AGBL4: variants seen among roughly 807,000 people sequenced by gnomAD.
AGBL4 encodes the protein cytosolic carboxypeptidase 6.
Under a neutral mutation model 66.4 loss-of-function variants are expected in AGBL4, and 58 were observed. The ratio of observed to expected loss-of-function variants is 0.87; its 90% CI spans 0.71 to 1.09. The LOEUF is 1.09. AGBL4 is among the 50% of genes least tolerant of loss of function. AGBL4 has a pLI of 0.00. For synonymous variants in AGBL4, 234 were observed against 222.9 expected, an observed-to-expected ratio of 1.05 and a Z score of -0.44; for missense variants, 579 against 631.0, an observed-to-expected ratio of 0.92 and a Z score of 0.88.
chr1:49,577,135 A>AT (rs1644453308), intron 3 of AGBL4, among the ~76,000 whole-genome samples: 1 of 152,230 alleles, frequency 6.6e-6, no homozygotes, highest in Admixed American at 6.5e-5. Flanking sequence ...GTGGATGGAC[A>AT]TTTCTACATG....
intron 4 of AGBL4, among the ~76,000 whole-genome samples, chr1:49,123,994 T>C (rs572153131): frequency 2.0e-5 from 3 of 152,298 alleles, no homozygotes; most frequent in Non-Finnish European, 4.4e-5. Context: ...GATGTACTGA[T>C]AGAAGATAGA....
intron 4 of AGBL4, among the ~76,000 whole-genome samples, chr1:49,203,610 G>T (rs562877738): frequency 6.6e-6 from 1 of 152,104 alleles, no homozygotes; most frequent in South Asian, 2.1e-4. Flanking sequence ...GGGGCTGAAG[G>T]GAGGGGAAAT....
At chr1:49,202,603 A>G (rs1647797211) in intron 4 of AGBL4, among the ~76,000 whole-genome samples, 1 of 152,154 alleles carries the variant, frequency 6.6e-6, no homozygotes, top group African/African-American at 2.4e-5. Flanking sequence ...TCTTAAAACA[A>G]AAAGAAACTC....
At chr1:49,603,504 G>A (rs1167464989) in intron 3 of AGBL4, among the ~76,000 whole-genome samples, 2 of 150,582 alleles carry the variant, frequency 1.3e-5, no homozygotes, top group Non-Finnish European at 1.5e-5. Flanking sequence ...CAGCCTGGGC[G>A]ACAGAGCGAG....
intron 1 of AGBL4, among the ~76,000 whole-genome samples, chr1:49,880,316 T>C (rs1647184329): frequency 6.6e-6 from 1 of 151,926 alleles, no homozygotes; most frequent in Non-Finnish European, 1.5e-5. Flanking sequence ...TCTTTGATGA[T>C]GGTGATGTAC....
chr1:48,590,180 G>A (rs903295173), intron 10 of AGBL4, among the ~76,000 whole-genome samples: 10 of 152,214 alleles, frequency 6.6e-5, no homozygotes, highest in African/African-American at 1.4e-4. Context: ...CGAGGCGGGC[G>A]GATCACCTGA....
intron 5 of AGBL4, among the ~76,000 whole-genome samples, chr1:49,010,610 CACT>C (rs1310109984): frequency 7.3e-6 from 1 of 136,212 alleles, no homozygotes; most frequent in Non-Finnish European, 1.6e-5. Context: ...GGAGGCATCA[CACT>C]ACCTGACTTC....
chr1:49,293,042 A>G (rs946859701), intron 3 of AGBL4, among the ~76,000 whole-genome samples: 2 of 152,212 alleles, frequency 1.3e-5, no homozygotes, highest in African/African-American at 4.8e-5. Flanking sequence ...GAGCTCCCTG[A>G]GCCACGGCTG....
intron 4 of AGBL4, among the ~76,000 whole-genome samples, chr1:49,124,272 G>A (rs959614223): frequency 2.6e-5 from 4 of 152,118 alleles, no homozygotes; most frequent in Non-Finnish European, 5.9e-5. Context: ...ATCCTGGTTT[G>A]CAATGAAGAG....
At chr1:49,467,975 T>G (rs958195639) in intron 3 of AGBL4, among the ~76,000 whole-genome samples, 5 of 151,802 alleles carry the variant, frequency 3.3e-5, no homozygotes, top group Admixed American at 6.6e-5. Context: ...ATTATCAAAT[T>G]ATAGCATTGT....
intron 3 of AGBL4, among the ~76,000 whole-genome samples, chr1:49,340,409 T>C (rs1393259460): frequency 6.6e-6 from 1 of 152,116 alleles, no homozygotes; most frequent in Non-Finnish European, 1.5e-5. Flanking sequence ...ATTGACACTG[T>C]TTTTTAATAA....
In AGBL4 at chr1:48,840,696, C is replaced by A. The variant is rs372084931; in HGVS notation, c.634+26495G>T. ...TTGCTGCTAGGAATGAAAATTGGTA[C>A]AGCTTCTTAAAAGGTTAAACAAAGT... On this transcript the variant is annotated intron_variant, in intron 6 of 13. Transcript: ENST00000371839. Among the ~76,000 whole-genome samples the A allele has an allele frequency of 9.9e-5, 15 of 152,276 alleles. 1 individual carries two copies. Among genetic ancestry groups the A allele is most frequent in the African/African-American group, 3.6e-4 (15 of 41,564 alleles).
chr1:49,228,253 A>G (rs1159419823), intron 4 of AGBL4, among the ~76,000 whole-genome samples: 1 of 152,228 alleles, frequency 6.6e-6, no homozygotes, highest in African/African-American at 2.4e-5. Context: ...GGTGCTTAGG[A>G]TACATCAATA....
At position 49,430,799 on chromosome 1, in the gene AGBL4, T is replaced by A. The variant is rs375083484; in HGVS notation, c.283-184935A>T. Reference sequence around the variant, plus strand: ...TCTACTTATGCTCCCTTCCCATTGCTAGCCATAGCAAGGATAACCAATGCC... The same window carrying A: ...TCTACTTATGCTCCCTTCCCATTGCAAGCCATAGCAAGGATAACCAATGCC... On this transcript the variant is annotated intron_variant, in intron 3 of 13. Coordinates refer to ENST00000371839, the MANE Select transcript of AGBL4 (RefSeq NM_032785.4). 8.5e-5 allele frequency among the ~76,000 whole-genome samples: 13 copies of A among 152,336 alleles called. No homozygotes were observed. The East Asian group carries it at 1.9e-3, about 23-fold the overall frequency.
intron 1 of AGBL4, among the ~76,000 whole-genome samples, chr1:49,918,133 G>C (rs1651769317): frequency 6.6e-6 from 1 of 152,122 alleles, no homozygotes; most frequent in Non-Finnish European, 1.5e-5. Context: ...GAGAAAGCAA[G>C]AAAGATCTAA....
chr1:49,172,708 A>G (rs1349684361), intron 4 of AGBL4, among the ~76,000 whole-genome samples: 1 of 152,228 alleles, frequency 6.6e-6, no homozygotes, highest in South Asian at 2.1e-4. Context: ...GATGATGTCT[A>G]AAAGACCATA....
chr1:49,969,224 T>C (rs1408723878), intron 1 of AGBL4, among the ~76,000 whole-genome samples: 2 of 152,190 alleles, frequency 1.3e-5, no homozygotes, highest in African/African-American at 4.8e-5. Context: ...CAAAAAGCTA[T>C]ACATATTTAA....
chr1:49,593,412 A>C (rs1322683947), intron 3 of AGBL4, among the ~76,000 whole-genome samples: 1 of 152,168 alleles, frequency 6.6e-6, no homozygotes, highest in East Asian at 1.9e-4. Context: ...GTCTCAAAAA[A>C]ATTCAAAATA....
At chr1:48,992,610 G>T (rs1660687054) in intron 5 of AGBL4, among the ~76,000 whole-genome samples, 1 of 152,008 alleles carries the variant, frequency 6.6e-6, no homozygotes, top group East Asian at 1.9e-4. Context: ...CACAACCCTT[G>T]GTTCAAAACC....
Sources: allele counts gnomAD v4.1 joint callset (sites outside exome capture counted in the v4.1 genomes callset), GRCh38; gene constraint gnomAD v4.1.1; transcripts MANE v1.5; gene names NCBI Gene and HGNC (gene_info 2026-07-23, HGNC 2026-07-21).